Variants in PLBD1 observed in about 807,000 individuals in gnomAD.
The protein encoded by PLBD1 is lysosomal leucine aminopeptidase.
A neutral mutation model predicts 63.0 loss-of-function variants in PLBD1; 60 were observed. The observed-to-expected ratio is 0.95, with a 90% CI of 0.77 to 1.18. The LOEUF (loss-of-function observed/expected upper bound fraction) is 1.18. PLBD1 is among the 50% of genes most tolerant of loss of function. PLBD1 has a pLI of 0.00. For missense variants in PLBD1, 598 were observed against 677.9 expected, an observed-to-expected ratio of 0.88 and a Z score of 1.31; for synonymous variants, 262 against 248.0, an observed-to-expected ratio of 1.06 and a Z score of -0.53.
Position 14,565,236 on chromosome 12 carries a change from C to T in PLBD1, c.115+2346G>A, listed in dbSNP as rs145205848. 1.5e-3 allele frequency among the ~76,000 whole-genome samples: 229 copies of T among 152,106 alleles called. 2 individuals are homozygous for T. In the South Asian group the frequency reaches 0.019, roughly 13 times the overall value. ...ATCCCTGCACTTTGGGAGGCTGAGG[C>T]GGGCAGATCACCTGAGGCCAGGAGT... On this transcript the variant is annotated intron_variant, in intron 1 of 10. Coordinates refer to ENST00000240617, the MANE Select transcript of PLBD1 (RefSeq NM_024829.6).
chr12:14,540,016 A>AAT (rs370543683), intron 4 of PLBD1, among the ~76,000 whole-genome samples: 7,335 of 87,990 alleles, frequency 0.083, 647 homozygotes, highest in East Asian at 0.12. Flanking sequence ...CTATGCACAT[A>AAT]TATATATATA....
At chr12:14,514,216 C>G (rs1945321721) in intron 6 of PLBD1, among the ~76,000 whole-genome samples, 1 of 152,160 alleles carries the variant, frequency 6.6e-6, no homozygotes, top group African/African-American at 2.4e-5. Flanking sequence ...GGTCACCTCT[C>G]TAGAAAGACA....
chr12:14,542,753 A>C (rs1366322511), intron 2 of PLBD1, among the ~76,000 whole-genome samples: 2 of 152,214 alleles, frequency 1.3e-5, no homozygotes, highest in Admixed American at 1.3e-4. Context: ...CACACTATAA[A>C]AAAGATCATA....
chr12:14,567,666 C>T lies in PLBD1; in HGVS notation c.31G>A (p.Gly11Arg). The T allele has an allele frequency of 2.0e-6, 3 of 1,485,660 alleles. No homozygotes were observed. Among genetic ancestry groups the T allele is most frequent in the Non-Finnish European group, 2.7e-6 (3 of 1,127,558 alleles). 92.0% of individuals were successfully genotyped at this position (1,485,660 alleles called of 1,614,324 possible). A position where few individuals can be genotyped will look rare whatever the true frequency, so the allele number is the denominator to read the frequency against. ...AGAAGCGGTGGCGGCTGTGGCAGCC[C>T]CGGGCGCCCGCCCGGACCGCCGCGG... MTRGGPGGRPGLPQPPPLLLL... is the reference protein window; with the variant it reads MTRGGPGGRPRLPQPPPLLLL... The change falls in exon 1 of 11, where the codon GGG (glycine) becomes AGG (arginine). Residue 11 changes from glycine to arginine, a missense_variant. Physicochemically the swap from Gly to Arg is moderately radical, Grantham distance 125. Transcript: ENST00000240617.
intron 2 of PLBD1, among the ~76,000 whole-genome samples, chr12:14,543,582 G>T (rs1437557590): frequency 6.6e-6 from 1 of 151,866 alleles, no homozygotes; most frequent in Non-Finnish European, 1.5e-5. Flanking sequence ...AAAATTAGCT[G>T]GCCCTGGAGG....
intron 8 of PLBD1, among the ~76,000 whole-genome samples, chr12:14,507,458 G>A (rs192746385): frequency 2.2e-4 from 34 of 152,294 alleles, no homozygotes; most frequent in African/African-American, 7.7e-4. Flanking sequence ...GGTCTGGGGA[G>A]CTCATCTAAG....
chr12:14,567,373 G>T (rs1945798661), intron 1 of PLBD1, among the ~76,000 whole-genome samples: 1 of 152,216 alleles, frequency 6.6e-6, no homozygotes. Context: ...TGTAAAGTTG[G>T]CAGACGCACT....
At chr12:14,524,079 C>T (rs1160858694) in intron 6 of PLBD1, among the ~76,000 whole-genome samples, 1 of 152,086 alleles carries the variant, frequency 6.6e-6, no homozygotes, top group Non-Finnish European at 1.5e-5. Context: ...ACTCCACAAT[C>T]TCACTCAGAT....
At position 14,506,269 on chromosome 12, in the gene PLBD1, C is replaced by A. The variant is rs776899191; in HGVS notation, c.1373-1G>T. The A allele has an allele frequency of 6.3e-7, 1 of 1,590,874 alleles. No homozygotes were observed. The highest frequency in any genetic ancestry group is 8.6e-7 in the Non-Finnish European group (1 of 1,160,948). ...CTACTGTAAGGATCCTTCTTATAATCTAGGAAACAGAAATGGGGAAGAGAG... is the reference window on the plus strand; with the variant it reads ...CTACTGTAAGGATCCTTCTTATAATATAGGAAACAGAAATGGGGAAGAGAG... On this transcript the variant is annotated splice_acceptor_variant, in intron 9 of 10. Coordinates refer to ENST00000240617, the MANE Select transcript of PLBD1 (RefSeq NM_024829.6). LOFTEE classifies it high-confidence loss of function.
chr12:14,506,327 A>G, intron 9 of PLBD1, 59 bp from the exon 10 acceptor site: 1 of 1,287,972 alleles, frequency 7.8e-7, no homozygotes, highest in South Asian at 1.2e-5. Flanking sequence ...ACACTTCTCC[A>G]CAGTAAGGTT....
chr12:14,537,004 G>A (rs7295390), intron 4 of PLBD1, among the ~76,000 whole-genome samples: 44,663 of 149,850 alleles, frequency 0.3, 7,056 homozygotes, highest in South Asian at 0.52. Flanking sequence ...CAGGAGAATC[G>A]CTTGAACCCA....
Position 14,535,822 on chromosome 12 carries a change from T to C in PLBD1, c.700-19A>G. ...GAAGAACCTACAGCCAGAATCATAG[T>C]GGATTACACAGATGTACATAGCTAA... On this transcript the variant is annotated intron_variant, in intron 5 of 10. Coordinates refer to ENST00000240617, the MANE Select transcript of PLBD1 (RefSeq NM_024829.6). The C allele has an allele frequency of 6.2e-7, 1 of 1,611,488 alleles. No homozygotes were observed. The highest frequency in any genetic ancestry group is 8.5e-7 in the Non-Finnish European group (1 of 1,178,866).
intron 8 of PLBD1, among the ~76,000 whole-genome samples, chr12:14,510,136 C>T (rs571117641): frequency 1.4e-4 from 22 of 152,182 alleles, no homozygotes; most frequent in African/African-American, 5.1e-4. Context: ...TTTAAAAAAA[C>T]AGGCTGGGCA....
At chr12:14,526,623 GCTTCATAC>G (rs1246770252) in intron 6 of PLBD1, among the ~76,000 whole-genome samples, 1 of 152,116 alleles carries the variant, frequency 6.6e-6, no homozygotes, top group African/African-American at 2.4e-5. Context: ...TTGCTTCATA[GCTTCATAC>G]CAACAAAATA....
chr12:14,548,196 C>T (rs778035324), intron 2 of PLBD1, among the ~76,000 whole-genome samples: 4 of 151,856 alleles, frequency 2.6e-5, no homozygotes, highest in Non-Finnish European at 4.4e-5. Flanking sequence ...GTGGCTCACG[C>T]CTGTAATCCC....
At chr12:14,506,609 T>C (rs1241968930) in intron 9 of PLBD1, among the ~76,000 whole-genome samples, 2 of 152,318 alleles carry the variant, frequency 1.3e-5, no homozygotes, top group East Asian at 3.9e-4. Context: ...ATGAACAATG[T>C]TTTGTTTTAT....
chr12:14,514,020 C>A (rs1414071514), intron 6 of PLBD1, among the ~76,000 whole-genome samples: 2 of 152,148 alleles, frequency 1.3e-5, no homozygotes, highest in Non-Finnish European at 2.9e-5. Context: ...ACCTCATGAT[C>A]TGCCCGCCTC....
intron 1 of PLBD1, among the ~76,000 whole-genome samples, chr12:14,562,804 C>T (rs902681021): frequency 1.3e-5 from 2 of 152,162 alleles, no homozygotes; most frequent in Admixed American, 6.5e-5. Context: ...AAGGGTACCA[C>T]TACCTCTTTT....
chr12:14,506,124 C>G, intron 10 of PLBD1, 38 bp downstream of exon 10: 7 of 1,443,924 alleles, frequency 4.8e-6, no homozygotes, highest in Non-Finnish European at 6.7e-6. Context: ...GGCCTGTGTG[C>G]TGGTGGGAAT....
Sources: allele counts gnomAD v4.1 joint callset (sites outside exome capture counted in the v4.1 genomes callset), GRCh38; gene constraint gnomAD v4.1.1; transcripts MANE v1.5; gene names NCBI Gene and HGNC (gene_info 2026-07-23, HGNC 2026-07-21).